The following ETNK1 variants were observed in gnomAD, a reference collection of about 807,000 sequenced individuals.
The protein encoded by ETNK1 is putative protein product of Nbla10396.
In ETNK1, 8 loss-of-function variants were observed where a neutral mutation model predicts 45.1. That is an observed-to-expected ratio of 0.18 (90% CI 0.10 to 0.32). The LOEUF (loss-of-function observed/expected upper bound fraction) is 0.32, where lower values mean the gene tolerates loss of function less well. Among genes scored for constraint, ETNK1 ranks in the 10% least tolerant of loss-of-function variants. The pLI is 1.00. For missense variants in ETNK1, 302 were observed against 430.6 expected, an observed-to-expected ratio of 0.70 and a Z score of 2.64; for synonymous variants, 152 against 151.9, an observed-to-expected ratio of 1.00 and a Z score of -0.01.
intron 1 of ETNK1, among the ~76,000 whole-genome samples, chr12:22,639,672 C>CA (rs61530753): frequency 0.02 from 2,792 of 138,360 alleles, 82 homozygotes; most frequent in African/African-American, 0.061. Context: ...CTGAGACTCT[C>CA]AAAAAAAAAA....
chr12:22,631,928 CAT>C (rs1284812193), intron 1 of ETNK1, among the ~76,000 whole-genome samples: 1 of 151,982 alleles, frequency 6.6e-6, no homozygotes, highest in Admixed American at 6.6e-5. Context: ...AAACAGCAAA[CAT>C]ATAGAAAAAT....
chr12:22,627,861 T>G (rs1953525173), intron 1 of ETNK1, among the ~76,000 whole-genome samples: 1 of 151,948 alleles, frequency 6.6e-6, no homozygotes, highest in Non-Finnish European at 1.5e-5. Context: ...TCCTGCAAGC[T>G]GAACTATCCA....
intron 1 of ETNK1, among the ~76,000 whole-genome samples, chr12:22,640,306 A>G (rs984942747): frequency 2.6e-5 from 4 of 152,024 alleles, no homozygotes; most frequent in African/African-American, 9.7e-5. Context: ...GTTTAACAGG[A>G]TATAATTCGT....
chr12:22,634,885 C>A (rs1953634721), intron 1 of ETNK1, among the ~76,000 whole-genome samples: 1 of 152,116 alleles, frequency 6.6e-6, no homozygotes, highest in Non-Finnish European at 1.5e-5. Context: ...TTGAGTTTTT[C>A]TATTTTATTG....
intron 2 of ETNK1, among the ~76,000 whole-genome samples, chr12:22,647,437 A>G (rs1270232009): frequency 2.0e-5 from 3 of 151,960 alleles, no homozygotes; most frequent in Non-Finnish European, 4.4e-5. Flanking sequence ...CTCAAAAGAA[A>G]GTTATATGCT....
intron 4 of ETNK1, among the ~76,000 whole-genome samples, chr12:22,662,750 T>A (rs1317699057): frequency 6.6e-6 from 1 of 152,194 alleles, no homozygotes; most frequent in Non-Finnish European, 1.5e-5. Flanking sequence ...TGATTTTGAA[T>A]CAAAATTGTG....
chr12:22,664,899 C>T (rs1186975164), intron 4 of ETNK1, among the ~76,000 whole-genome samples: 1 of 152,056 alleles, frequency 6.6e-6, no homozygotes, highest in African/African-American at 2.4e-5. Context: ...TCATCAAGCT[C>T]AGTATTTGTC....
intron 2 of ETNK1, among the ~76,000 whole-genome samples, chr12:22,646,644 A>G (rs1189894793): frequency 6.6e-6 from 1 of 151,902 alleles, no homozygotes; most frequent in Non-Finnish European, 1.5e-5. Flanking sequence ...AGTGATCTGG[A>G]CTGATTGATC....
intron 6 of ETNK1, among the ~76,000 whole-genome samples, 172 bp downstream of exon 6, chr12:22,673,832 G>A (rs1322101521): frequency 6.6e-6 from 1 of 152,074 alleles, no homozygotes; most frequent in Non-Finnish European, 1.5e-5. Context: ...TAGTTTTAAG[G>A]ACAAAAATTT....
chr12:22,653,856 T>C (rs372081388), intron 2 of ETNK1, among the ~76,000 whole-genome samples: 1 of 152,222 alleles, frequency 6.6e-6, no homozygotes, highest in Admixed American at 6.5e-5. Context: ...TTTAAATCTC[T>C]TCACAGAGCC....
At chr12:22,644,964 T>C (rs989946305) in intron 2 of ETNK1, among the ~76,000 whole-genome samples, 2 of 151,984 alleles carry the variant, frequency 1.3e-5, no homozygotes, top group African/African-American at 4.8e-5. Context: ...CCAGTAACAC[T>C]TATCTATTGT....
In ETNK1 at chr12:22,685,114, C is replaced by G. The variant is rs1012913763; in HGVS notation, c.*160C>G. 9 of 545,760 alleles carry G rather than the reference C, an allele frequency of 1.6e-5. No individual in the cohort carries two copies. The highest frequency in any genetic ancestry group is 2.9e-5 in the Non-Finnish European group (9 of 312,676). 33.8% of individuals were successfully genotyped at this position (545,760 alleles called of 1,614,324 possible). A position where few individuals can be genotyped will look rare whatever the true frequency, so the allele number is the denominator to read the frequency against. On this transcript the variant is annotated 3_prime_UTR_variant, in exon 8 of 8. Transcript: ENST00000266517. ...CAATCAAATCTATTTTTGAAATAGA[C>G]TGAATGATGTCAAGAAATATACCTA...
chr12:22,684,890 T>C lies in ETNK1; in HGVS notation c.1028T>C (p.Ile343Thr), dbSNP rs1954246738. 2.5e-6 allele frequency: 4 copies of C among 1,604,488 alleles called. No homozygotes were observed. Among genetic ancestry groups the C allele is most frequent in the Non-Finnish European group, 2.5e-6 (3 of 1,176,896 alleles). The change falls in exon 8 of 8, where the codon ATT (isoleucine) becomes ACT (threonine). Residue 343 changes from isoleucine to threonine, a missense_variant. Physicochemically the swap from Ile to Thr is moderately conservative, Grantham distance 89. This residue lies in a region of ETNK1 where 94 missense variants were observed against 152.9 expected (regional missense o/e 0.61). Coordinates refer to ENST00000266517, the MANE Select transcript of ETNK1 (RefSeq NM_018638.5). ...TTCTCTTTTCTCACTAGGTATGCAATTGTTCGTTTTAACCAGTACTTTAAA... is the reference window on the plus strand; with the variant it reads ...TTCTCTTTTCTCACTAGGTATGCAACTGTTCGTTTTAACCAGTACTTTAAA... The part of the protein sequence containing the change: ...TIEFDFLGYA[I>T]VRFNQYFKMK...
At chr12:22,628,682 G>T (rs1953536209) in intron 1 of ETNK1, among the ~76,000 whole-genome samples, 1 of 151,970 alleles carries the variant, frequency 6.6e-6, no homozygotes, top group Admixed American at 6.5e-5. Context: ...TTCCAGTTAT[G>T]TTGTCTCAGG....
chr12:22,626,081 C>T (rs1953490916), intron 1 of ETNK1: 1 of 349,800 alleles, frequency 2.9e-6, no homozygotes, highest in African/African-American at 2.1e-5. Context: ...ACTCAATTCC[C>T]AAAGTAATGA....
chr12:22,637,913 T>C (rs1464158886), intron 1 of ETNK1, among the ~76,000 whole-genome samples: 3 of 152,158 alleles, frequency 2.0e-5, no homozygotes, highest in Non-Finnish European at 1.5e-5. Context: ...CTCAGTCTTA[T>C]AAGAAGTCTC....
intron 4 of ETNK1, among the ~76,000 whole-genome samples, chr12:22,670,182 A>G (rs1312017743): frequency 1.3e-5 from 2 of 152,168 alleles, no homozygotes; most frequent in Admixed American, 6.5e-5. Context: ...GAAATAAATA[A>G]CAATGTGTAA....
chr12:22,632,801 A>G (rs566375875), intron 1 of ETNK1, among the ~76,000 whole-genome samples: 1 of 152,062 alleles, frequency 6.6e-6, no homozygotes, highest in Non-Finnish European at 1.5e-5. Context: ...TGTGCCTTGT[A>G]TCAGTGTTTT....
intron 2 of ETNK1, among the ~76,000 whole-genome samples, chr12:22,648,156 C>A (rs1340540984): frequency 6.6e-6 from 1 of 151,856 alleles, no homozygotes; most frequent in Non-Finnish European, 1.5e-5. Context: ...AGACAACCTC[C>A]CCCATTATCA....
Sources: gnomAD v4.1 joint callset for allele counts (sites outside exome capture counted in the v4.1 genomes callset) on GRCh38, gnomAD v4.1.1 for gene constraint, gnomAD v4.1.1 regional missense constraint, MANE v1.5 for transcripts, NCBI Gene and HGNC (gene_info 2026-07-23, HGNC 2026-07-21) for gene names.